APC: variants seen among roughly 807,000 people sequenced by gnomAD.
APC encodes the protein APC regulator of Wnt signaling pathway.
APC carries 72 observed loss-of-function variants against 247.0 expected under a neutral mutation model. That is an observed-to-expected ratio of 0.29 (90% CI 0.24 to 0.35). The LOEUF (loss-of-function observed/expected upper bound fraction) is 0.35. Ranked by LOEUF, APC falls within the 10% of genes least tolerant of loss-of-function variation. The pLI, the probability that APC is intolerant of heterozygous loss-of-function variation, is 1.00. For missense variants in APC, 3,400 were observed against 3,360.7 expected (o/e 1.01, Z -0.29); for synonymous variants, 1,254 against 1,162.5 (o/e 1.08, Z -1.60).
chr5:112,731,604 A>G (rs1162539179), intron 1 of APC, among the ~76,000 whole-genome samples: 1 of 152,208 alleles, frequency 6.6e-6, no homozygotes, highest in East Asian at 1.9e-4. Flanking sequence ...TTTGGGGGAC[A>G]TACTCAAATC....
At position 112,839,065 on chromosome 5, in the gene APC, G is replaced by A. The variant is rs143927847; in HGVS notation, c.3471G>A (p.Glu1157=). 6,482 of 1,614,052 alleles carry A rather than the reference G, an allele frequency of 4.0e-3. 13 individuals carry two copies. The highest frequency in any genetic ancestry group is 4.9e-3 in the Non-Finnish European group (5,830 of 1,180,010). Residue 1157 remains glutamate, a synonymous_variant, in exon 16 of 16, where the codon GAG becomes GAA. Coordinates refer to ENST00000257430, the MANE Select transcript of APC (RefSeq NM_000038.6). The surrounding 1 kb of genome is among the most constrained non-coding windows in gnomAD (Gnocchi z 5.0). ...YSEEEQHEEE[E]RPTNYSIKYN... ...AAGAAGAACAGCATGAAGAAGAAGAGAGACCAACAAATTATAGCATAAAAT... is the reference window on the plus strand; with the variant it reads ...AAGAAGAACAGCATGAAGAAGAAGAAAGACCAACAAATTATAGCATAAAAT...
In APC at chr5:112,797,178, C is replaced by T. The variant is rs568434432; in HGVS notation, c.730-4101C>T. Among the ~76,000 whole-genome samples the T allele has an allele frequency of 3.9e-5, 6 of 152,278 alleles. No homozygotes were observed. In the East Asian group the frequency reaches 5.8e-4, roughly 15 times the overall value. Reference sequence around the variant, plus strand: ...CTTCCTTTTGTTATGATAATAGTTACATCAGTTGCATTATTCTGATAGTTT... The same window carrying T: ...CTTCCTTTTGTTATGATAATAGTTATATCAGTTGCATTATTCTGATAGTTT... On this transcript the variant is annotated intron_variant, in intron 7 of 15. Coordinates refer to ENST00000257430, the MANE Select transcript of APC (RefSeq NM_000038.6).
At chr5:112,786,876 TTTTC>T (rs1759008143) in intron 6 of APC, among the ~76,000 whole-genome samples, 1 of 142,238 alleles carries the variant, frequency 7.0e-6, no homozygotes, top group Non-Finnish European at 1.5e-5. Flanking sequence ...AACCCTGCCT[TTTTC>T]TTTTTCTTTT....
intron 4 of APC, among the ~76,000 whole-genome samples, chr5:112,775,252 T>C (rs1367786798): frequency 6.6e-6 from 1 of 152,186 alleles, no homozygotes; most frequent in Admixed American, 6.5e-5. Context: ...CTGGGCATCA[T>C]TGCTGCTTTT....
chr5:112,709,302 A>G (rs74669206), intron 1 of APC, among the ~76,000 whole-genome samples: 3,569 of 152,148 alleles, frequency 0.023, 142 homozygotes, highest in African/African-American at 0.082. Flanking sequence ...TTTTCCCTTT[A>G]CTGTGGACTT....
chr5:112,767,245 C>G lies in APC; in HGVS notation c.277C>G (p.Leu93Val), dbSNP rs201567345. Residue 93 changes from leucine to valine, a missense_variant, in exon 4 of 16, where the codon CTC (leucine) becomes GTC (valine). Physicochemically the swap from Leu to Val is conservative, Grantham distance 32. Around this residue, in one of 9 missense-constraint regions of APC, gnomAD observed 372 missense variants for 367.6 expected, o/e 1.01. Transcript: ENST00000257430. ...PGVKLRSKMS[L>V]RSYGSREGSV... ...AGTAAAACTGCGGTCAAAAATGTCC[C>G]TCCGTTCTTATGGAAGCCGGGAAGG... 8.6e-5 allele frequency: 139 copies of G among 1,613,996 alleles called. No homozygotes were observed. The highest frequency in any genetic ancestry group is 1.1e-4 in the Non-Finnish European group (129 of 1,180,028).
chr5:112,764,730 GA>G (rs1315094107), intron 2 of APC, among the ~76,000 whole-genome samples: 1 of 152,144 alleles, frequency 6.6e-6, no homozygotes, highest in Middle Eastern at 3.2e-3. Flanking sequence ...GGAAGCCTGA[GA>G]AATAAGGATA....
At chr5:112,822,122 T>A (rs139591554) in intron 11 of APC, 131 bp downstream of exon 11, 1 of 672,490 alleles carries the variant, frequency 1.5e-6, no homozygotes, top group South Asian at 1.8e-5. Flanking sequence ...CAACTTCTGT[T>A]ATCAGCTGCT....
At chr5:112,831,444 A>G (rs948265429) in intron 14 of APC, among the ~76,000 whole-genome samples, 1 of 152,236 alleles carries the variant, frequency 6.6e-6, no homozygotes, top group Non-Finnish European at 1.5e-5. Flanking sequence ...TATAATATCC[A>G]GTTCTGATTT....
chr5:112,769,217 ATTT>A (rs1186295218), intron 4 of APC, among the ~76,000 whole-genome samples: 24 of 151,604 alleles, frequency 1.6e-4, no homozygotes, highest in African/African-American at 5.8e-4. Context: ...CGTCCGGCTA[ATTT>A]TTGTATTTTT....
At position 112,800,525 on chromosome 5, in the gene APC, A is replaced by T. The variant is rs569571824; in HGVS notation, c.730-754A>T. 3.9e-5 allele frequency among the ~76,000 whole-genome samples: 6 copies of T among 152,284 alleles called. No homozygotes were observed. The East Asian group carries it at 1.2e-3, about 29-fold the overall frequency. On this transcript the variant is annotated intron_variant, in intron 7 of 15. Transcript: ENST00000257430. ...TTTTGTAATTTAATTATCCACTGTT[A>T]GGTCAGATTTTTAATGTATAATTTT... is the stretch of plus-strand genomic sequence containing the variant.
At chr5:112,715,453 G>T (rs1751111532) in intron 1 of APC, among the ~76,000 whole-genome samples, 1 of 152,166 alleles carries the variant, frequency 6.6e-6, no homozygotes, top group Non-Finnish European at 1.5e-5. Context: ...GAAGCCGTTT[G>T]TGCTAAGAGA....
At chr5:112,716,196 C>G (rs1338750509) in intron 1 of APC, among the ~76,000 whole-genome samples, 1 of 151,996 alleles carries the variant, frequency 6.6e-6, no homozygotes, top group Non-Finnish European at 1.5e-5. Flanking sequence ...TAAATATGTT[C>G]ATAAAGTTAA....
chr5:112,773,458 C>T (rs1362159662), intron 4 of APC, among the ~76,000 whole-genome samples: 9 of 152,150 alleles, frequency 5.9e-5, no homozygotes, highest in African/African-American at 1.9e-4. Flanking sequence ...CGTACCCACC[C>T]ACTACGTGCA....
intron 6 of APC, among the ~76,000 whole-genome samples, chr5:112,784,830 A>G (rs754571161): frequency 1.3e-5 from 2 of 152,228 alleles, no homozygotes; most frequent in Non-Finnish European, 2.9e-5. Flanking sequence ...AGCAAACCTT[A>G]TATTAAGAAA....
At position 112,843,068 on chromosome 5, in the gene APC, T is replaced by C. The variant is rs1397255611; in HGVS notation, c.7474T>C (p.Ser2492Pro). 2 of 1,613,840 alleles carry C rather than the reference T, an allele frequency of 1.2e-6. No homozygotes were observed. Among genetic ancestry groups the C allele is most frequent in the African/African-American group, 2.7e-5 (2 of 74,902 alleles). ...TTTAAGTCCTTCCCTTCCTGATATGTCTCTATCCACACATTCGTCTGTTCA... is the reference window on the plus strand; with the variant it reads ...TTTAAGTCCTTCCCTTCCTGATATGCCTCTATCCACACATTCGTCTGTTCA... ...PVLSPSLPDM[S>P]LSTHSSVQAG... The change falls in exon 16 of 16, where the codon TCT (serine) becomes CCT (proline). Residue 2492 changes from serine to proline, a missense_variant. By Grantham distance (74) the Ser-to-Pro change is moderately conservative (BLOSUM62 -1). Coordinates refer to ENST00000257430, the MANE Select transcript of APC (RefSeq NM_000038.6). The surrounding 1 kb of genome is among the most constrained non-coding windows in gnomAD (Gnocchi z 4.8).
upstream of APC, among the ~76,000 whole-genome samples, chr5:112,735,154 T>A (rs1024798514): frequency 2.6e-5 from 4 of 151,940 alleles, no homozygotes; most frequent in African/African-American, 7.3e-5. Flanking sequence ...GTTACACAAT[T>A]TATTTCTGTT....
chr5:112,736,498 A>G (rs1027229942), upstream of APC, among the ~76,000 whole-genome samples: 61 of 152,306 alleles, frequency 4.0e-4, no homozygotes, highest in African/African-American at 1.3e-3. Context: ...TTGTGTGTCT[A>G]TTGCTTTTCT....
At chr5:112,826,846 A>G (rs1202801029) in intron 11 of APC, among the ~76,000 whole-genome samples, 1 of 152,208 alleles carries the variant, frequency 6.6e-6, no homozygotes, top group African/African-American at 2.4e-5. Flanking sequence ...AGTAAATAGA[A>G]AATAATTATT....
Sources: allele counts gnomAD v4.1 joint callset (sites outside exome capture counted in the v4.1 genomes callset), GRCh38; gene constraint gnomAD v4.1.1; regional missense constraint gnomAD v4.1.1; non-coding constraint Gnocchi (gnomAD v3.1); transcripts MANE v1.5; gene names NCBI Gene and HGNC (gene_info 2026-07-23, HGNC 2026-07-21).